SMIM31: variants seen among roughly 807,000 people sequenced by gnomAD.
SMIM31 encodes human epithelial cell program regulator.
intron 2 of SMIM31, among the ~76,000 whole-genome samples, chr4:164,782,713 A>T (rs1225740088): frequency 6.7e-6 from 1 of 150,072 alleles, no homozygotes; most frequent in Non-Finnish European, 1.5e-5. Flanking sequence ...TTGAATAACA[A>T]AGTTCTGAAT....
chr4:164,771,790 CAG>C (rs571408348), intron 2 of SMIM31, among the ~76,000 whole-genome samples: 77 of 152,072 alleles, frequency 5.1e-4, no homozygotes, highest in African/African-American at 1.7e-3. Context: ...GCCTGAGTGA[CAG>C]AGAAAGACTC....
chr4:164,759,527 T>C (rs1732617007), intron 1 of SMIM31, among the ~76,000 whole-genome samples: 1 of 152,224 alleles, frequency 6.6e-6, no homozygotes, highest in Non-Finnish European at 1.5e-5. Context: ...GAATCAGGTA[T>C]GACTCGAATG....
chr4:164,768,427 CAA>C (rs758951225), intron 1 of SMIM31, among the ~76,000 whole-genome samples: 14 of 94,666 alleles, frequency 1.5e-4, no homozygotes, highest in Admixed American at 4.2e-4. Flanking sequence ...CAGTACATCT[CAA>C]AAAAAAAAAA....
intron 1 of SMIM31, among the ~76,000 whole-genome samples, chr4:164,758,395 T>C (rs1732595061): frequency 6.6e-6 from 1 of 152,108 alleles, no homozygotes; most frequent in Non-Finnish European, 1.5e-5. Context: ...GCTAAAGCCT[T>C]CAGTGTAAGT....
chr4:164,800,586 G>A (rs564187854), intron 2 of SMIM31, among the ~76,000 whole-genome samples: 2 of 152,206 alleles, frequency 1.3e-5, no homozygotes, highest in South Asian at 2.1e-4. Context: ...GTAGGTCCAG[G>A]GACCCCAGAA....
intron 1 of SMIM31, among the ~76,000 whole-genome samples, chr4:164,762,354 T>C (rs1265876692): frequency 6.6e-6 from 1 of 152,198 alleles, no homozygotes; most frequent in Non-Finnish European, 1.5e-5. Context: ...AGCCTTCTTC[T>C]ATTTTAACAA....
intron 2 of SMIM31, among the ~76,000 whole-genome samples, chr4:164,800,209 G>T (rs4377546): frequency 0.68 from 103,395 of 151,278 alleles, 36,316 homozygotes; most frequent in Non-Finnish European, 0.79. Context: ...TTTAACTTAT[G>T]TTTTTCTTTT....
At chr4:164,798,248 T>C (rs527305491) in intron 2 of SMIM31, among the ~76,000 whole-genome samples, 1 of 152,038 alleles carries the variant, frequency 6.6e-6, no homozygotes, top group Admixed American at 6.5e-5. Flanking sequence ...TTTTTATTTT[T>C]TTTGAGACGG....
At chr4:164,762,678 A>AAAAAAAG (rs1553964901) in intron 1 of SMIM31, among the ~76,000 whole-genome samples, 1 of 138,266 alleles carries the variant, frequency 7.2e-6, no homozygotes, top group African/African-American at 2.8e-5. Context: ...AAAAAAAAAA[A>AAAAAAAG]AAAAAGAAAA....
intron 1 of SMIM31, among the ~76,000 whole-genome samples, chr4:164,758,936 A>G (rs1346216718): frequency 6.8e-6 from 1 of 147,216 alleles, no homozygotes; most frequent in Non-Finnish European, 1.5e-5. Context: ...CCAAAGTGCT[A>G]GGATTACAGG....
intron 1 of SMIM31, among the ~76,000 whole-genome samples, chr4:164,766,224 C>T (rs560686527): frequency 1.3e-5 from 2 of 152,260 alleles, no homozygotes; most frequent in East Asian, 1.9e-4. Flanking sequence ...TACTTCTTGT[C>T]CTCTGGGTGG....
chr4:164,778,762 C>G (rs1732910079), intron 2 of SMIM31, among the ~76,000 whole-genome samples: 2 of 152,044 alleles, frequency 1.3e-5, no homozygotes. Flanking sequence ...CATCCACATG[C>G]CTAAGACAGG....
rs1409552374 is a variant in SMIM31 at position 164,801,441 on chromosome 4, A to G, written c.*247A>G. ...TCTAGCTGCAATTGATTATACAAAAAAAAAAAGACCAAAGTGGTTACAATA... is the reference window on the plus strand; with the variant it reads ...TCTAGCTGCAATTGATTATACAAAAGAAAAAAGACCAAAGTGGTTACAATA... On this transcript the variant is annotated 3_prime_UTR_variant, in exon 3 of 3. Transcript: ENST00000507311. 6.6e-6 allele frequency: 2 copies of G among 303,896 alleles called. No homozygotes were observed. The highest frequency in any genetic ancestry group is 1.2e-5 in the Non-Finnish European group (2 of 167,358). The allele number at this position is 303,896 out of a possible 1,614,324, so 18.8% of individuals were successfully genotyped here.
chr4:164,771,171 A>G (rs1732796787), intron 2 of SMIM31, among the ~76,000 whole-genome samples: 1 of 152,202 alleles, frequency 6.6e-6, no homozygotes, highest in Admixed American at 6.5e-5. Context: ...AGACTATTCT[A>G]TCCGATAGAC....
At chr4:164,772,070 T>C (rs1732809638) in intron 2 of SMIM31, among the ~76,000 whole-genome samples, 2 of 152,156 alleles carry the variant, frequency 1.3e-5, no homozygotes, top group Admixed American at 1.3e-4. Context: ...TGAGACTGGG[T>C]AATTTATAAA....
chr4:164,799,879 G>C (rs1733260267), intron 2 of SMIM31, among the ~76,000 whole-genome samples: 1 of 152,224 alleles, frequency 6.6e-6, no homozygotes, highest in Non-Finnish European at 1.5e-5. Flanking sequence ...TTGAAGATAA[G>C]TGGTGCTAAT....
At chr4:164,799,043 G>A (rs943882532) in intron 2 of SMIM31, among the ~76,000 whole-genome samples, 2 of 152,066 alleles carry the variant, frequency 1.3e-5, no homozygotes, top group African/African-American at 4.8e-5. Flanking sequence ...CCGGTGCCAC[G>A]CTTGGGCAGC....
chr4:164,767,005 A>C (rs1237348233), intron 1 of SMIM31, among the ~76,000 whole-genome samples: 1 of 152,152 alleles, frequency 6.6e-6, no homozygotes, highest in East Asian at 1.9e-4. Flanking sequence ...CAGGGCAAGG[A>C]ACACAAGCAA....
chr4:164,774,969 A>G (rs1732861078), intron 2 of SMIM31, among the ~76,000 whole-genome samples: 1 of 152,210 alleles, frequency 6.6e-6, no homozygotes, highest in African/African-American at 2.4e-5. Flanking sequence ...AACTAGCTGG[A>G]GGCATGCTCT....
Sources: allele counts gnomAD v4.1 joint callset (sites outside exome capture counted in the v4.1 genomes callset), GRCh38; gene constraint gnomAD v4.1.1; transcripts MANE v1.5; gene names NCBI Gene and HGNC (gene_info 2026-07-23, HGNC 2026-07-21).